Variants in TUSC3 observed in about 807,000 individuals in gnomAD.
The protein encoded by TUSC3 is tumor suppressor candidate 3.
Under a neutral mutation model 44.8 loss-of-function variants are expected in TUSC3, and 45 were observed. The observed-to-expected ratio is 1.00, with a 90% confidence interval of 0.79 to 1.29. The LOEUF (loss-of-function observed/expected upper bound fraction) is 1.29, where lower values mean the gene tolerates loss of function less well. Ranked by LOEUF, TUSC3 falls within the 50% of genes most tolerant of loss-of-function variation. TUSC3 has a pLI of 0.00. For synonymous variants in TUSC3, 212 were observed against 152.9 expected (o/e 1.39, Z -2.85); for missense variants, 519 against 437.9 (o/e 1.19, Z -1.65).
chr8:15,540,539 C>G lies in TUSC3; in HGVS notation c.109C>G (p.Gln37Glu). Residue 37 changes from glutamine to glutamate, a missense_variant, in exon 1 of 11, where the codon CAG becomes GAG. Coordinates refer to ENST00000503731, the MANE Select transcript of TUSC3 (RefSeq NM_006765.4). ...TCTCCTGCTGCTGCTGCTCTGCATC[C>G]AGCTCGGGGGAGGACAGAAGAAAAA... Reference protein sequence around the residue: ...FLLLLLLLCIQLGGGQKKKEN... With the variant: ...FLLLLLLLCIELGGGQKKKEN... 1 of 1,601,992 alleles carries G rather than the reference C, an allele frequency of 6.2e-7. No homozygotes were observed. The highest frequency in any genetic ancestry group is 8.5e-7 in the Non-Finnish European group (1 of 1,175,020).
intron 2 of TUSC3, among the ~76,000 whole-genome samples, chr8:15,634,703 A>C (rs530268974): frequency 6.6e-6 from 1 of 151,890 alleles, no homozygotes; most frequent in East Asian, 1.9e-4. Flanking sequence ...CTCCCTCTCT[A>C]CCTCCTAGGA....
At chr8:15,795,917 T>C in the TUSC3 span, among the ~76,000 whole-genome samples, 2 of 152,328 alleles carry the variant, frequency 1.3e-5, no homozygotes, top group African/African-American at 2.4e-5. Flanking sequence ...CAGGGTCAGA[T>C]GATCAAACTC....
chr8:15,457,059 T>C (rs1273144912), intron 1 of TUSC3, among the ~76,000 whole-genome samples: 7 of 151,256 alleles, frequency 4.6e-5, no homozygotes, highest in Admixed American at 4.0e-4. Context: ...CAGCAAACTA[T>C]CGCAAGGATA....
downstream of TUSC3, among the ~76,000 whole-genome samples, chr8:15,768,054 G>A (rs902689524): frequency 5.3e-5 from 8 of 152,154 alleles, no homozygotes; most frequent in Non-Finnish European, 1.2e-4. Flanking sequence ...AGACCAAACA[G>A]GAAGTGAAGA....
chr8:15,849,618 C>T, the TUSC3 span, among the ~76,000 whole-genome samples: 2 of 152,108 alleles, frequency 1.3e-5, no homozygotes, highest in African/African-American at 4.8e-5. Flanking sequence ...TGGGCAAAGT[C>T]GACATGTTTC....
chr8:15,552,481 G>T (rs896999063), intron 1 of TUSC3, among the ~76,000 whole-genome samples: 1 of 151,662 alleles, frequency 6.6e-6, no homozygotes, highest in Non-Finnish European at 1.5e-5. Flanking sequence ...AATAATGGGC[G>T]CTATACTAGC....
At chr8:15,617,009 G>A (rs1470454109) in intron 1 of TUSC3, among the ~76,000 whole-genome samples, 3 of 152,140 alleles carry the variant, frequency 2.0e-5, no homozygotes, top group South Asian at 4.1e-4. Flanking sequence ...TCCGGCTAGC[G>A]AAGTGGCTTT....
At chr8:15,443,121 T>C (rs1224279799) in intron 1 of TUSC3, among the ~76,000 whole-genome samples, 1 of 152,150 alleles carries the variant, frequency 6.6e-6, no homozygotes, top group African/African-American at 2.4e-5. Context: ...CTGTAGTAGT[T>C]TAAATAAAAT....
intron 6 of TUSC3, among the ~76,000 whole-genome samples, chr8:15,678,043 CA>C (rs1808264549): frequency 6.6e-6 from 1 of 152,036 alleles, no homozygotes; most frequent in Non-Finnish European, 1.5e-5. Flanking sequence ...GGAAAGCAGT[CA>C]AAAAACATGT....
At chr8:15,563,385 C>G (rs12677906) in intron 1 of TUSC3, among the ~76,000 whole-genome samples, 1 of 151,684 alleles carries the variant, frequency 6.6e-6, no homozygotes, top group Non-Finnish European at 1.5e-5. Context: ...GAGGGCAGGC[C>G]GTTGGGAAGA....
chr8:15,841,936 G>C, the TUSC3 span, among the ~76,000 whole-genome samples: 3 of 152,100 alleles, frequency 2.0e-5, no homozygotes, highest in Non-Finnish European at 4.4e-5. Context: ...CTTATTTTAA[G>C]GTTCTAAGTA....
chr8:15,457,815 A>G (rs1252839495), intron 1 of TUSC3, among the ~76,000 whole-genome samples: 1 of 60,328 alleles, frequency 1.7e-5, no homozygotes, highest in East Asian at 3.5e-4. Flanking sequence ...ATAATTTATT[A>G]GATAATTAAT....
chr8:15,581,768 T>C lies in TUSC3; in HGVS notation c.138+41200T>C, dbSNP rs543981360. Among the ~76,000 whole-genome samples the C allele has an allele frequency of 2.2e-4, 30 of 138,702 alleles. 1 individual carries two copies. The highest frequency in any genetic ancestry group is 8.3e-4 in the African/African-American group (30 of 36,040). The allele number at this position is 138,702 out of a possible 152,430, so 91.0% of individuals were successfully genotyped here. A position where few individuals can be genotyped will look rare whatever the true frequency, so the allele number is the denominator to read the frequency against. ...AGTCTGCAGAGGTTACTGCTGTCTTTTTGTTTGTCTGTGCCCTGCCCCCAG... is the reference window on the plus strand; with the variant it reads ...AGTCTGCAGAGGTTACTGCTGTCTTCTTGTTTGTCTGTGCCCTGCCCCCAG... On this transcript the variant is annotated intron_variant, in intron 1 of 10. Coordinates refer to ENST00000503731, the MANE Select transcript of TUSC3 (RefSeq NM_006765.4).
intron 2 of TUSC3, among the ~76,000 whole-genome samples, chr8:15,634,658 A>G (rs561428688): frequency 6.6e-6 from 1 of 152,188 alleles, no homozygotes; most frequent in Non-Finnish European, 1.5e-5. Flanking sequence ...GAAGTCTTCA[A>G]AGGTGGTTCT....
At chr8:15,465,910 G>A (rs1800407151) in intron 1 of TUSC3, among the ~76,000 whole-genome samples, 1 of 152,062 alleles carries the variant, frequency 6.6e-6, no homozygotes, top group Admixed American at 6.6e-5. Context: ...CAACTTAGCG[G>A]TCCCTAGTTC....
intron 1 of TUSC3, among the ~76,000 whole-genome samples, chr8:15,583,700 C>G (rs1463176274): frequency 6.6e-6 from 1 of 152,112 alleles, no homozygotes; most frequent in Non-Finnish European, 1.5e-5. Flanking sequence ...TAGTGCTCAG[C>G]TGTCAAGACT....
chr8:15,532,723 C>T (rs1049454363), intron 2 of TUSC3, among the ~76,000 whole-genome samples: 2 of 152,140 alleles, frequency 1.3e-5, no homozygotes, highest in African/African-American at 4.8e-5. Flanking sequence ...GGGTGGGACC[C>T]AGTGGGAGAA....
intron 3 of TUSC3, among the ~76,000 whole-genome samples, chr8:15,658,639 T>TATACACACACACAC: frequency 6.7e-6 from 1 of 148,674 alleles, no homozygotes; most frequent in South Asian, 2.1e-4. Context: ...CACATATATA[T>TATACACACACACAC]ACACACACAC....
chr8:15,620,521 G>A (rs560720517), intron 1 of TUSC3, among the ~76,000 whole-genome samples: 29 of 152,100 alleles, frequency 1.9e-4, no homozygotes, highest in African/African-American at 6.7e-4. Flanking sequence ...GAAAAATGAC[G>A]TATATATATT....
Sources: allele counts gnomAD v4.1 joint callset (sites outside exome capture counted in the v4.1 genomes callset), GRCh38; gene constraint gnomAD v4.1.1; transcripts MANE v1.5; gene names NCBI Gene and HGNC (gene_info 2026-07-23, HGNC 2026-07-21).